Variants in ZNF773 observed in about 807,000 individuals in gnomAD.
ZNF773 encodes zinc finger protein 773, also known as zinc finger protein 419B.
In ZNF773, 11 loss-of-function variants were observed where a neutral mutation model predicts 12.8. The ratio of observed to expected loss-of-function variants is 0.86; its 90% CI spans 0.54 to 1.42. The LOEUF (loss-of-function observed/expected upper bound fraction) is 1.42, where lower values mean the gene tolerates loss of function less well. ZNF773 is among the 40% of genes most tolerant of loss of function. The pLI is 0.00. For synonymous variants in ZNF773, 175 were observed against 178.4 expected, an observed-to-expected ratio of 0.98 and a Z score of 0.15; for missense variants, 518 against 527.2, an observed-to-expected ratio of 0.98 and a Z score of 0.17.
chr19:57,516,025 G>T, downstream of ZNF773: 1 of 153,402 alleles, frequency 6.5e-6, no homozygotes, highest in South Asian at 1.9e-4. Context: ...TACTGATATG[G>T]GGACGAGGGT....
At chr19:57,504,965 C>G in intron 2 of ZNF773, 179 bp downstream of exon 2, 1 of 1,133,234 alleles carries the variant, frequency 8.8e-7, no homozygotes, top group Non-Finnish European at 1.3e-6. Flanking sequence ...TCTCCCTGAG[C>G]TGCCCCACAG....
chr19:57,503,176 G>C (rs1056149617), intron 1 of ZNF773, among the ~76,000 whole-genome samples: 6 of 152,208 alleles, frequency 3.9e-5, no homozygotes, highest in Non-Finnish European at 7.3e-5. Context: ...GAAGTCTGGA[G>C]TTCAGGTGAA....
downstream of ZNF773, chr19:57,514,415 A>G (rs898047304): frequency 5.9e-5 from 9 of 152,206 alleles, no homozygotes; most frequent in Admixed American, 5.2e-4. Context: ...CCCTCCAAGG[A>G]GATTCTTCAT....
rs752483085 is a variant in ZNF773 at position 57,506,985 on chromosome 19, A to C, written c.890A>C (p.His297Pro). ...ACACTTGTTCAGCATCACAGAATCCACACTGGAGTAAGGCCTTATGAGTGC... is the reference window on the plus strand; with the variant it reads ...ACACTTGTTCAGCATCACAGAATCCCCACTGGAGTAAGGCCTTATGAGTGC... ...NSTLVQHHRI[H>P]TGVRPYECSE... Residue 297 changes from histidine to proline, a missense_variant, in exon 4 of 4, where the codon CAC (histidine) becomes CCC (proline). Coordinates refer to ENST00000282292, the MANE Select transcript of ZNF773 (RefSeq NM_198542.3). 1 of 1,614,224 alleles carries C rather than the reference A, an allele frequency of 6.2e-7. No homozygotes were observed. Among genetic ancestry groups the C allele is most frequent in the Admixed American group, 1.7e-5 (1 of 60,032 alleles).
chr19:57,512,757 C>T (rs1234381481), downstream of ZNF773, among the ~76,000 whole-genome samples: 1 of 152,160 alleles, frequency 6.6e-6, no homozygotes, highest in African/African-American at 2.4e-5. Context: ...ATGCTAAGGG[C>T]AGTCACACCC....
At position 57,500,122 on chromosome 19, in the gene ZNF773, C is replaced by T. The variant is rs1285459496; in HGVS notation, c.33+9C>T. On this transcript the variant is annotated intron_variant, in intron 1 of 3. Transcript: ENST00000282292. Reference sequence around the variant, plus strand: ...TGAGGGACCCCGCTCAGGTGAGCGCCGCGTCCTCCCGGCCTCCCCCGAATC... The same window carrying T: ...TGAGGGACCCCGCTCAGGTGAGCGCTGCGTCCTCCCGGCCTCCCCCGAATC... 6 of 1,602,432 alleles carry T rather than the reference C, an allele frequency of 3.7e-6. No individual in the cohort carries two copies. The African/African-American group carries it at 5.4e-5, about 14-fold the overall frequency.
At position 57,506,400 on chromosome 19, in the gene ZNF773, G is replaced by A. The variant is rs141973314; in HGVS notation, c.305G>A (p.Ser102Asn). The A allele has an allele frequency of 1.9e-6, 3 of 1,614,044 alleles. No homozygotes were observed. The highest frequency in any genetic ancestry group is 1.7e-4 in the Middle Eastern group (1 of 6,060). The part of the protein sequence containing the change: ...GAKAEAAAEQ[S>N]ASVEVPSSNV... ...AAGGCTGAGGCAGCTGCTGAGCAGA[G>A]TGCTTCTGTAGAAGTGCCCAGTTCA... is the stretch of plus-strand genomic sequence containing the variant. The change falls in exon 4 of 4, where the codon AGT becomes AAT. Residue 102 changes from serine to asparagine, a missense_variant. Physicochemically the swap from Ser to Asn is conservative, Grantham distance 46. Coordinates refer to ENST00000282292, the MANE Select transcript of ZNF773 (RefSeq NM_198542.3).
chr19:57,506,705 T>A lies in ZNF773; in HGVS notation c.610T>A (p.Tyr204Asn), dbSNP rs534007448. ...SECGKAFGQKYLLVQHQRLHT... is the reference protein window; with the variant it reads ...SECGKAFGQKNLLVQHQRLHT... ...ATGTGGGAAAGCCTTTGGTCAGAAA[T>A]ATTTACTTGTTCAGCACCAGAGACT... Residue 204 changes from tyrosine (Y) to asparagine (N), a missense_variant, in exon 4 of 4, where the codon TAT (tyrosine) becomes AAT (asparagine). Transcript: ENST00000282292. 1.0e-4 allele frequency: 168 copies of A among 1,614,206 alleles called. 2 individuals carry two copies. The South Asian group carries it at 1.8e-3, about 18-fold the overall frequency.
chr19:57,518,278 A>C (rs2123295286), exon 5 of ZNF773: 1 of 152,276 alleles, frequency 6.6e-6, no homozygotes. Context: ...GCTGTTGTAT[A>C]AAGAAAGCAA....
At chr19:57,514,719 G>A (rs531629135), downstream of ZNF773, 12 of 152,286 alleles carry the variant, frequency 7.9e-5, no homozygotes, top group African/African-American at 2.9e-4. Flanking sequence ...TTTATGGGAT[G>A]TGATCCAGAC....
At position 57,507,184 on chromosome 19, in the gene ZNF773, A is replaced by G; in HGVS notation, c.1089A>G (p.Glu363=). ...GAGAAAGGCCTTATGAGTGCAGTGA[A>G]TGTGGGAAATTTTTTAGCCAAAGCT... ...HTGERPYECS[E]CGKFFSQSSS... The change falls in exon 4 of 4, where the codon GAA becomes GAG. Residue 363 remains glutamate, a synonymous_variant. Coordinates refer to ENST00000282292, the MANE Select transcript of ZNF773 (RefSeq NM_198542.3). 1 of 1,614,202 alleles carries G rather than the reference A, an allele frequency of 6.2e-7. No individual in the cohort carries two copies. Among genetic ancestry groups the G allele is most frequent in the Non-Finnish European group, 8.5e-7 (1 of 1,180,018 alleles).
chr19:57,504,946 A>C (rs1374574037), intron 2 of ZNF773, 160 bp downstream of exon 2: 2 of 1,229,290 alleles, frequency 1.6e-6, no homozygotes, highest in Non-Finnish European at 2.3e-6. Flanking sequence ...TGTGTATACT[A>C]CCACCTTCTC....
downstream of ZNF773, chr19:57,508,297 T>G (rs2089769081): frequency 8.2e-7 from 1 of 1,219,910 alleles, no homozygotes; most frequent in Non-Finnish European, 1.0e-6. Flanking sequence ...CCCTCTGTCT[T>G]GGAGCTCCAG....
chr19:57,504,943 A>G (rs1452127227), intron 2 of ZNF773, 157 bp downstream of exon 2: 2 of 1,234,720 alleles, frequency 1.6e-6, no homozygotes, highest in African/African-American at 1.5e-5. Flanking sequence ...GGCTGTGTAT[A>G]CTACCACCTT....
At position 57,507,971 on chromosome 19, in the gene ZNF773, T is replaced by TA. The variant is rs1316682346; in HGVS notation, c.*567dup. 9.1e-3 allele frequency: 1,015 copies of TA among 111,736 alleles called. 9 individuals are homozygous for TA. Among genetic ancestry groups the TA allele is most frequent in the African/African-American group, 0.023 (621 of 27,000 alleles). 6.9% of individuals were successfully genotyped at this position (111,736 alleles called of 1,614,324 possible). A position where few individuals can be genotyped will look rare whatever the true frequency, so the allele number is the denominator to read the frequency against. ...CTGGGTGACAGAGTGAGACTCTGTCTAAAAAAAAAAAAAAAAAAAATTAGC... is the reference window on the plus strand; with the variant it reads ...CTGGGTGACAGAGTGAGACTCTGTCTAAAAAAAAAAAAAAAAAAAAATTAGC... On this transcript the variant is annotated 3_prime_UTR_variant, in exon 4 of 4. Coordinates refer to ENST00000282292, the MANE Select transcript of ZNF773 (RefSeq NM_198542.3).
downstream of ZNF773, among the ~76,000 whole-genome samples, chr19:57,512,528 T>G (rs2123284160): frequency 6.6e-6 from 1 of 151,302 alleles, no homozygotes; most frequent in East Asian, 2.0e-4. Context: ...CTCAGTCTCC[T>G]GAGTAGCTGG....
chr19:57,504,816 C>A, intron 2 of ZNF773, 30 bp downstream of exon 2: 2 of 1,592,470 alleles, frequency 1.3e-6, no homozygotes, highest in Non-Finnish European at 1.7e-6. Context: ...CCCCAGCATC[C>A]TGAGCTGGAC....
At chr19:57,505,512 C>G in intron 3 of ZNF773, 112 bp downstream of exon 3, 1 of 1,223,696 alleles carries the variant, frequency 8.2e-7, no homozygotes, top group Non-Finnish European at 1.2e-6. Flanking sequence ...GGTGTCGTCG[C>G]TGATTTCTAT....
At chr19:57,502,610 C>T (rs1162279590) in intron 1 of ZNF773, among the ~76,000 whole-genome samples, 3 of 152,212 alleles carry the variant, frequency 2.0e-5, no homozygotes, top group African/African-American at 7.2e-5. Flanking sequence ...GAGGCTACTA[C>T]AGTAGTCTGT....
Sources: allele counts gnomAD v4.1 joint callset (sites outside exome capture counted in the v4.1 genomes callset), GRCh38; gene constraint gnomAD v4.1.1; transcripts MANE v1.5; gene names NCBI Gene and HGNC (gene_info 2026-07-23, HGNC 2026-07-21).